The following RSRP1 variants were observed in gnomAD, a reference collection of about 807,000 sequenced individuals.
The protein encoded by RSRP1 is arginine/serine-rich protein 1.
A neutral mutation model predicts 33.0 loss-of-function variants in RSRP1; 37 were observed. The ratio of observed to expected loss-of-function variants is 1.12; its 90% CI spans 0.86 to 1.48. RSRP1 has a LOEUF of 1.48. RSRP1 is among the 40% of genes most tolerant of loss of function. The pLI, the probability that RSRP1 is intolerant of heterozygous loss-of-function variation, is 0.00. For missense variants in RSRP1, 402 were observed against 385.3 expected, an observed-to-expected ratio of 1.04 and a Z score of -0.36; for synonymous variants, 167 against 158.7, an observed-to-expected ratio of 1.05 and a Z score of -0.40.
At chr1:25,253,305 T>G (rs915895888) in intron 1 of RSRP1, 1 of 152,224 alleles carries the variant, frequency 6.6e-6, no homozygotes, top group African/African-American at 2.4e-5. Flanking sequence ...TGTGTTTTGG[T>G]TTATCAGCTG....
In RSRP1 at chr1:25,313,799, TTATAA is replaced by T. The variant is rs1358798357; in HGVS notation, c.-67+24174_-67+24178del. ...ATGTTAGAATTTGTAGCTGAGGGGT[TTATAA>T]TATGAGTTTCCTATGCCTGAGAAAG... On this transcript the variant is annotated intron_variant, in intron 1 of 1. Transcript: ENST00000561867. Among the ~76,000 whole-genome samples, 19 of 132,462 alleles carry T rather than the reference TTATAA, an allele frequency of 1.4e-4. 4 individuals are homozygous for T. Among genetic ancestry groups the T allele is most frequent in the East Asian group, 1.4e-3 (7 of 5,122 alleles). 86.9% of individuals were successfully genotyped at this position (132,462 alleles called of 152,430 possible). A position where few individuals can be genotyped will look rare whatever the true frequency, so the allele number is the denominator to read the frequency against.
chr1:25,289,432 T>G lies in RSRP1; in HGVS notation c.-66-42403A>C, dbSNP rs1302919556. On this transcript the variant is annotated intron_variant, in intron 1 of 1. Transcript: ENST00000561867. ...CCACTCTTGAACCCCTGGCCTCAAG[T>G]GATCCACCTGCCTTGGCCTCCCAAA... 3.0e-5 allele frequency among the ~76,000 whole-genome samples: 4 copies of G among 131,320 alleles called. 1 individual carries two copies. Among genetic ancestry groups the G allele is most frequent in the African/African-American group, 7.8e-5 (3 of 38,568 alleles). 86.2% of individuals were successfully genotyped at this position (131,320 alleles called of 152,430 possible).
intron 1 of RSRP1, among the ~76,000 whole-genome samples, chr1:25,305,838 G>A (rs1389690804): frequency 7.6e-6 from 1 of 130,976 alleles, no homozygotes; most frequent in South Asian, 2.3e-4. Context: ...CCGACTTCAG[G>A]TGATCCACCC....
rs1642143192 is a variant in RSRP1 at position 25,287,576 on chromosome 1, GATT to G, written c.-66-40550_-66-40548del. Among the ~76,000 whole-genome samples the G allele has an allele frequency of 1.5e-5, 2 of 134,996 alleles. 1 individual carries two copies. Among genetic ancestry groups the G allele is most frequent in the African/African-American group, 5.1e-5 (2 of 39,048 alleles). The allele number at this position is 134,996 out of a possible 152,430, so 88.6% of individuals were successfully genotyped here. On this transcript the variant is annotated intron_variant, in intron 1 of 1. Coordinates refer to the RSRP1 transcript ENST00000561867. The stretch of plus-strand genomic sequence containing the variant: ...AGCTTGTGCCACTTGACTTGGGACT[GATT>G]TGGTTCTGTTTTGAGTCCCTTCAGG...
intron 1 of RSRP1, among the ~76,000 whole-genome samples, chr1:25,298,014 G>A (rs1165753247): frequency 1.6e-5 from 2 of 126,756 alleles, no homozygotes; most frequent in African/African-American, 2.7e-5. Flanking sequence ...TCTCTTTAGC[G>A]AAAAACGTGT....
chr1:25,263,526 T>C (rs1443338435), intron 1 of RSRP1, among the ~76,000 whole-genome samples: 1 of 151,952 alleles, frequency 6.6e-6, no homozygotes, highest in African/African-American at 2.4e-5. Context: ...CTGTTAGACT[T>C]ATTCACTATC....
intron 1 of RSRP1, among the ~76,000 whole-genome samples, chr1:25,310,254 T>G (rs114535813): frequency 0.064 from 8,534 of 132,726 alleles, 234 homozygotes; most frequent in African/African-American, 0.2. Context: ...TTGATGGTTT[T>G]TGGAGGAAGG....
intron 1 of RSRP1, among the ~76,000 whole-genome samples, chr1:25,290,978 C>G (rs1642450754): frequency 7.7e-6 from 1 of 130,280 alleles, no homozygotes; most frequent in Non-Finnish European, 1.8e-5. Context: ...ATCCTCATCT[C>G]TAAAAAGTAA....
At chr1:25,329,237 G>GGTT in intron 1 of RSRP1, 2 of 232,392 alleles carry the variant, frequency 8.6e-6, no homozygotes, top group South Asian at 6.1e-5. Flanking sequence ...ATTATTCCTT[G>GGTT]TTTTTTTTTT....
chr1:25,278,867 C>T (rs1290864572), intron 1 of RSRP1, among the ~76,000 whole-genome samples: 3 of 128,256 alleles, frequency 2.3e-5, no homozygotes, highest in East Asian at 2.0e-4. Flanking sequence ...TGAGAGTCGC[C>T]GGTAGAGTAG....
rs556700258 is a variant in RSRP1 at position 25,315,738 on chromosome 1, T to A, written c.-67+22240A>T. Among the ~76,000 whole-genome samples the A allele has an allele frequency of 3.1e-5, 4 of 130,100 alleles. 1 individual carries two copies. The highest frequency in any genetic ancestry group is 7.5e-5 in the Admixed American group (1 of 13,348). 85.4% of individuals were successfully genotyped at this position (130,100 alleles called of 152,430 possible). A position where few individuals can be genotyped will look rare whatever the true frequency, so the allele number is the denominator to read the frequency against. ...GTCTCCATCTCCTGACCTCATGATC[T>A]GCCCGCCTCGGCCTCCCAAAGTGTG... On this transcript the variant is annotated intron_variant, in intron 1 of 1. Coordinates refer to the RSRP1 transcript ENST00000561867.
intron 1 of RSRP1, among the ~76,000 whole-genome samples, chr1:25,299,330 C>T (rs1215806764): frequency 7.7e-6 from 1 of 130,626 alleles, no homozygotes; most frequent in Non-Finnish European, 1.8e-5. Flanking sequence ...TGCAGTGAGC[C>T]AAGATGGCAC....
At chr1:25,299,072 T>TAAAAAA (rs34867414) in intron 1 of RSRP1, among the ~76,000 whole-genome samples, 2 of 40,878 alleles carry the variant, frequency 4.9e-5, no homozygotes, top group Non-Finnish European at 5.8e-5. Context: ...CACATGGTGA[T>TAAAAAA]AAAAAAAAAA....
At chr1:25,262,877 A>G (rs1640201975) in intron 1 of RSRP1, among the ~76,000 whole-genome samples, 1 of 152,208 alleles carries the variant, frequency 6.6e-6, no homozygotes, top group Non-Finnish European at 1.5e-5. Flanking sequence ...TAGTCCATTC[A>G]GTCATATATC....
chr1:25,257,274 TTTTAA>T (rs1243073356), intron 1 of RSRP1, among the ~76,000 whole-genome samples: 4 of 152,200 alleles, frequency 2.6e-5, no homozygotes, highest in East Asian at 1.9e-4. Flanking sequence ...ATAATTAAGG[TTTTAA>T]TTTATTTTTA....
At chr1:25,252,496 G>T (rs1287476717) in intron 1 of RSRP1, among the ~76,000 whole-genome samples, 1 of 151,610 alleles carries the variant, frequency 6.6e-6, no homozygotes, top group East Asian at 1.9e-4. Context: ...AGAAGGAGAG[G>T]TCTCGTGGAG....
chr1:25,259,332 A>T (rs1216287821), intron 1 of RSRP1, among the ~76,000 whole-genome samples: 1 of 152,044 alleles, frequency 6.6e-6, no homozygotes, highest in Non-Finnish European at 1.5e-5. Context: ...ACCTCAAGTG[A>T]TCTGCCTGCC....
rs1643886497 is a variant in RSRP1 at position 25,307,007 on chromosome 1, A to C, written c.-67+30971T>G. The C allele has an allele frequency of 1.8e-5, 7 of 389,824 alleles. 2 individuals carry two copies. The highest frequency in any genetic ancestry group is 1.4e-4 in the South Asian group (7 of 49,134). The allele number at this position is 389,824 out of a possible 1,614,324, so 24.1% of individuals were successfully genotyped here. A position where few individuals can be genotyped will look rare whatever the true frequency, so the allele number is the denominator to read the frequency against. On this transcript the variant is annotated intron_variant, in intron 1 of 1. Transcript: ENST00000561867. ...TGATCCCACAAACACAGAGCAGGTC[A>C]AATAGGCCCAAGCCAATTGAGACTG...
In RSRP1 at chr1:25,243,005, G is replaced by A. The variant is rs143123020; in HGVS notation, c.757-300C>T. On this transcript the variant is annotated intron_variant, in intron 4 of 4. Transcript: ENST00000243189. ...CTCGGGAGGCTGAGGCAGGAGAATC[G>A]CTTGAACCCAGGAGGCAGGCAGAAG... 2.1e-4 allele frequency among the ~76,000 whole-genome samples: 32 copies of A among 152,142 alleles called. No homozygotes were observed. In the East Asian group the frequency reaches 3.3e-3, roughly 16 times the overall value.
Sources: allele counts gnomAD v4.1 joint callset (sites outside exome capture counted in the v4.1 genomes callset), GRCh38; gene constraint gnomAD v4.1.1; transcripts MANE v1.5; gene names NCBI Gene and HGNC (gene_info 2026-07-23, HGNC 2026-07-21).